ABHD8: variants seen among roughly 807,000 people sequenced by gnomAD.
ABHD8 encodes protein ABHD8.
A neutral mutation model predicts 29.3 loss-of-function variants in ABHD8; 10 were observed. The observed-to-expected ratio is 0.34, with a 90% CI of 0.21 to 0.58. The LOEUF is 0.58. Among genes scored for constraint, ABHD8 ranks in the 20% least tolerant of loss-of-function variants. The pLI is 0.85. For synonymous variants in ABHD8, 282 were observed against 274.6 expected, an observed-to-expected ratio of 1.03 and a Z score of -0.27; for missense variants, 556 against 615.3, an observed-to-expected ratio of 0.90 and a Z score of 1.02.
Position 17,301,500 on chromosome 19 carries a change from C to T in ABHD8, c.117G>A (p.Lys39=). 4 of 1,611,884 alleles carry T rather than the reference C, an allele frequency of 2.5e-6. No individual in the cohort carries two copies. The highest frequency in any genetic ancestry group is 3.4e-6 in the Non-Finnish European group (4 of 1,179,774). ...GCTTCACCCGCAGCACGCGGCCGGG[C>T]TTGACCTCTACAAAGGTGTAGCCAT... ...SSDGYTFVEV[K]PGRVLRVKHA... Residue 39 remains lysine, a synonymous_variant, in exon 2 of 5, where the codon AAG becomes AAA. Transcript: ENST00000247706.
chr19:17,299,904 CTT>C (rs35667706), intron 2 of ABHD8, among the ~76,000 whole-genome samples: 15 of 140,254 alleles, frequency 1.1e-4, no homozygotes, highest in African/African-American at 8.2e-5. Context: ...GTGGTGGCCC[CTT>C]TTTTTTTTTT....
At chr19:17,295,125 G>A (rs2074088245) in intron 2 of ABHD8, among the ~76,000 whole-genome samples, 1 of 129,522 alleles carries the variant, frequency 7.7e-6, no homozygotes, top group African/African-American at 3.1e-5. Context: ...TTGAGACGGA[G>A]TCTCGCTCTG....
In ABHD8 at chr19:17,300,844, G is replaced by A; in HGVS notation, c.761+12C>T. The A allele has an allele frequency of 2.5e-6, 4 of 1,575,236 alleles. No individual in the cohort carries two copies. Among genetic ancestry groups the A allele is most frequent in the Non-Finnish European group, 3.5e-6 (4 of 1,156,128 alleles). ...TCCCTCACCCCCACCCCACATGCCA[G>A]GGTTCACTTACCCGTAGGAATGGCC... On this transcript the variant is annotated intron_variant, in intron 2 of 4. Coordinates refer to ENST00000247706, the MANE Select transcript of ABHD8 (RefSeq NM_024527.5).
intron 2 of ABHD8, among the ~76,000 whole-genome samples, chr19:17,298,735 C>CTTTTTTT (rs34731394): frequency 1.4e-4 from 10 of 70,452 alleles, no homozygotes; most frequent in East Asian, 3.9e-4. Flanking sequence ...AACAACACTG[C>CTTTTTTT]TTTTTTTTTT....
chr19:17,302,165 G>A (rs2074123237), intron 1 of ABHD8: 1 of 152,278 alleles, frequency 6.6e-6, no homozygotes. Flanking sequence ...CAGAGAGAAA[G>A]ACTTGGCTAT....
At chr19:17,297,414 G>A (rs2074097925) in intron 2 of ABHD8, among the ~76,000 whole-genome samples, 1 of 152,054 alleles carries the variant, frequency 6.6e-6, no homozygotes, top group South Asian at 2.1e-4. Context: ...TCCTGCCTCA[G>A]CCTCCCAAGT....
chr19:17,302,485 C>T (rs557523118), intron 1 of ABHD8, among the ~76,000 whole-genome samples: 1 of 152,310 alleles, frequency 6.6e-6, no homozygotes, highest in East Asian at 1.9e-4. Context: ...GGTGAGCCCC[C>T]AGTGAGGCTC....
chr19:17,294,630 G>A (rs1451251467), intron 3 of ABHD8, 45 bp downstream of exon 3: 3 of 1,608,858 alleles, frequency 1.9e-6, no homozygotes, highest in Non-Finnish European at 1.7e-6. Context: ...AGATGCCTGG[G>A]TTCGCCAGGG....
chr19:17,302,526 G>C (rs1389204936), intron 1 of ABHD8, among the ~76,000 whole-genome samples: 1 of 152,200 alleles, frequency 6.6e-6, no homozygotes, highest in African/African-American at 2.4e-5. Context: ...TGAAAGGTGA[G>C]GCCCTAGGAG....
chr19:17,296,555 C>T (rs1646390173), intron 2 of ABHD8: 2 of 152,216 alleles, frequency 1.3e-5, no homozygotes, highest in South Asian at 4.1e-4. Context: ...AGATGGAAGG[C>T]CTGAGAAGCC....
Position 17,300,706 on chromosome 19 carries a change from A to G in ABHD8, c.761+150T>C, listed in dbSNP as rs2074113344. Reference sequence around the variant, plus strand: ...TTGGCCAGACTGTTCCCGAACTCCCAACCTCAGGTGATCCGCCTGCCTCGG... The same window carrying G: ...TTGGCCAGACTGTTCCCGAACTCCCGACCTCAGGTGATCCGCCTGCCTCGG... On this transcript the variant is annotated intron_variant, in intron 2 of 4. Coordinates refer to ENST00000247706, the MANE Select transcript of ABHD8 (RefSeq NM_024527.5). 6 of 1,034,116 alleles carry G rather than the reference A, an allele frequency of 5.8e-6. No individual in the cohort carries two copies. In the South Asian group the frequency reaches 8.3e-5, roughly 14 times the overall value. The allele number at this position is 1,034,116 out of a possible 1,614,324, so 64.1% of individuals were successfully genotyped here.
intron 1 of ABHD8, 80 bp from the exon 2 acceptor site, chr19:17,301,704 T>C (rs1331954375): frequency 1.4e-6 from 2 of 1,418,270 alleles, no homozygotes; most frequent in Non-Finnish European, 1.8e-6. Flanking sequence ...CCCTGAGCCT[T>C]GGGAGAACTG....
intron 2 of ABHD8, among the ~76,000 whole-genome samples, chr19:17,295,398 C>G (rs2074090119): frequency 6.7e-6 from 1 of 150,114 alleles, no homozygotes; most frequent in Non-Finnish European, 1.5e-5. Context: ...TGAGCCACTG[C>G]GCCTGGCCTG....
chr19:17,294,156 A>C, intron 4 of ABHD8, 132 bp downstream of exon 4: 3 of 1,142,574 alleles, frequency 2.6e-6, no homozygotes, highest in Non-Finnish European at 3.6e-6. Context: ...GGCCACGCCC[A>C]CCCGGCAGCC....
intron 2 of ABHD8, chr19:17,297,643 T>C (rs1191301257): frequency 1.3e-5 from 2 of 152,128 alleles, no homozygotes; most frequent in Non-Finnish European, 2.9e-5. Context: ...GCATCAACTT[T>C]TGAGTATGTT....
rs200138972 is a variant in ABHD8 at position 17,295,893 on chromosome 19, TA to T, written c.762-1049del. 9.0e-3 allele frequency among the ~76,000 whole-genome samples: 1,364 copies of T among 152,252 alleles called. 5 individuals carry two copies. The highest frequency in any genetic ancestry group is 0.012 in the Non-Finnish European group (840 of 68,010). On this transcript the variant is annotated intron_variant, in intron 2 of 4. Transcript: ENST00000247706. The stretch of plus-strand genomic sequence containing the variant: ...CAGCTAATTTTTAAAAATTTTTTTA[TA>T]AAGACAGGGTCTCCTTATGTTGCCC...
At chr19:17,297,683 G>A (rs935985894) in intron 2 of ABHD8, 1 of 151,110 alleles carries the variant, frequency 6.6e-6, no homozygotes, top group African/African-American at 2.4e-5. Flanking sequence ...AATAAGAGCT[G>A]TTACCTCTCA....
At chr19:17,295,296 G>T (rs529401613) in intron 2 of ABHD8, among the ~76,000 whole-genome samples, 4 of 151,576 alleles carry the variant, frequency 2.6e-5, no homozygotes, top group Admixed American at 2.6e-4. Context: ...TAGTAGAGAT[G>T]GGGTTTCACC....
At chr19:17,296,356 C>T (rs1371060874) in intron 2 of ABHD8, 1 of 152,144 alleles carries the variant, frequency 6.6e-6, no homozygotes, top group African/African-American at 2.4e-5. Context: ...GCCCGGCCCT[C>T]ATCAGATTCT....
Sources: allele counts gnomAD v4.1 joint callset (sites outside exome capture counted in the v4.1 genomes callset), GRCh38; gene constraint gnomAD v4.1.1; transcripts MANE v1.5; gene names NCBI Gene and HGNC (gene_info 2026-07-23, HGNC 2026-07-21).